Variants in CTNNA3 observed in about 807,000 individuals in gnomAD.
CTNNA3 encodes the protein catenin alpha 3, also known as catenin alpha-3.
Under a neutral mutation model 95.7 loss-of-function variants are expected in CTNNA3, and 76 were observed. The ratio of observed to expected loss-of-function variants is 0.79; its 90% CI spans 0.66 to 0.96. The LOEUF is 0.96. Among genes scored for constraint, CTNNA3 ranks in the 40% least tolerant of loss-of-function variants. CTNNA3 has a pLI of 0.00. For synonymous variants in CTNNA3, 431 were observed against 374.4 expected (o/e 1.15, Z -1.74); for missense variants, 1,191 against 1,089.8 (o/e 1.09, Z -1.31).
chr10:66,379,153 A>C lies in CTNNA3; in HGVS notation c.1731T>G (p.Thr577=). ...VMRNVNFLTS[T]VIPEFVTQVN... is the part of the protein sequence containing the mutation. ...AGCTGTTATTGGCAACTGACTTACC[A>C]GTACTTGTAAGGAAGTTAACATTTC... is the stretch of plus-strand genomic sequence containing the variant. The change falls in exon 12 of 18, where the codon ACT becomes ACG. Residue 577 remains threonine, a splice_region_variant and synonymous_variant. Coordinates refer to ENST00000433211, the MANE Select transcript of CTNNA3 (RefSeq NM_013266.4). 6.2e-7 allele frequency: 1 copy of C among 1,612,682 alleles called. No individual in the cohort carries two copies. The highest frequency in any genetic ancestry group is 1.7e-4 in the Middle Eastern group (1 of 6,056).
chr10:66,472,665 A>T (rs1285431160), intron 11 of CTNNA3, among the ~76,000 whole-genome samples: 1 of 152,076 alleles, frequency 6.6e-6, no homozygotes, highest in Non-Finnish European at 1.5e-5. Flanking sequence ...AATTATTAAA[A>T]TTAACTATAA....
Position 66,927,740 on chromosome 10 carries a change from A to G in CTNNA3, c.1048-152216T>C. ...GCTTTCAGTGGACCCAGTGTTTTCC[A>G]GTGTGTCCCGAATCTGCAGCGCCTC... On this transcript the variant is annotated intron_variant, in intron 7 of 17. Transcript: ENST00000433211. This position sits in a 1 kb window ranked among gnomAD's most constrained non-coding sequence, Gnocchi z 4.7. 3 of 1,614,178 alleles carry G rather than the reference A, an allele frequency of 1.9e-6. No homozygotes were observed. The highest frequency in any genetic ancestry group is 2.5e-6 in the Non-Finnish European group (3 of 1,180,032).
intron 11 of CTNNA3, among the ~76,000 whole-genome samples, chr10:66,487,576 T>A (rs1439874830): frequency 6.6e-6 from 1 of 152,104 alleles, no homozygotes; most frequent in Non-Finnish European, 1.5e-5. Context: ...CTGGCCCAAA[T>A]GCTAATTACA....
At chr10:66,134,899 C>T (rs2083278084) in intron 13 of CTNNA3, among the ~76,000 whole-genome samples, 1 of 152,046 alleles carries the variant, frequency 6.6e-6, no homozygotes, top group Non-Finnish European at 1.5e-5. Flanking sequence ...GTACTCTGTA[C>T]ACTCTTGGTT....
intron 7 of CTNNA3, among the ~76,000 whole-genome samples, chr10:67,020,383 A>T (rs534875957): frequency 6.6e-6 from 1 of 152,250 alleles, no homozygotes; most frequent in African/African-American, 2.4e-5. Context: ...GTCCCTTCTG[A>T]GCTTTTATTA....
chr10:66,871,535 C>T (rs1376616612), intron 7 of CTNNA3, among the ~76,000 whole-genome samples: 3 of 140,848 alleles, frequency 2.1e-5, no homozygotes, highest in Non-Finnish European at 4.5e-5. Context: ...GCACTCCAGC[C>T]TGGGCAACAA....
In CTNNA3 at chr10:66,714,838, T is replaced by C. The variant is rs141121968; in HGVS notation, c.1281+51426A>G. On this transcript the variant is annotated intron_variant, in intron 9 of 17. Coordinates refer to ENST00000433211, the MANE Select transcript of CTNNA3 (RefSeq NM_013266.4). ...TTAAAAGGCAAAACCAATCATGTCA[T>C]TTGCTTGCTTAAAACTTCTTTAATG... Among the ~76,000 whole-genome samples, 69 of 152,246 alleles carry C rather than the reference T, an allele frequency of 4.5e-4. 2 individuals carry two copies. The East Asian group carries it at 7.0e-3, about 15-fold the overall frequency.
chr10:66,543,899 ATGTGTG>A (rs370848565), intron 10 of CTNNA3, among the ~76,000 whole-genome samples: 2,018 of 39,174 alleles, frequency 0.052, 69 homozygotes, highest in East Asian at 0.076. Context: ...CCTTCTTGAG[ATGTGTG>A]TGTGTGTATA....
At chr10:67,678,297 A>T (rs1030477058) in intron 1 of CTNNA3, among the ~76,000 whole-genome samples, 10 of 152,182 alleles carry the variant, frequency 6.6e-5, no homozygotes, top group Admixed American at 5.2e-4. Context: ...GGCTAAAAAG[A>T]AAAGAAAGTT....
intron 5 of CTNNA3, among the ~76,000 whole-genome samples, chr10:67,388,761 T>C (rs1589242362): frequency 6.6e-6 from 1 of 152,144 alleles, no homozygotes; most frequent in Admixed American, 6.5e-5. Context: ...ATATTCAACA[T>C]TCTTAAAGAA....
At chr10:67,329,963 C>T (rs189485593) in intron 5 of CTNNA3, among the ~76,000 whole-genome samples, 7 of 152,300 alleles carry the variant, frequency 4.6e-5, no homozygotes, top group Admixed American at 3.3e-4. Context: ...GTCCAAGATG[C>T]CAGCTAGAGT....
At chr10:67,261,600 T>A (rs776189076) in intron 5 of CTNNA3, among the ~76,000 whole-genome samples, 1 of 152,200 alleles carries the variant, frequency 6.6e-6, no homozygotes, top group Non-Finnish European at 1.5e-5. Context: ...TTGCGTAACA[T>A]CACCAGATTT....
intron 17 of CTNNA3, among the ~76,000 whole-genome samples, chr10:65,946,564 G>T (rs1394945926): frequency 6.6e-6 from 1 of 151,992 alleles, no homozygotes; most frequent in Non-Finnish European, 1.5e-5. Context: ...ACATCACCTT[G>T]CATTCTTAGA....
At chr10:65,928,716 CATCT>C (rs1449036180) in intron 17 of CTNNA3, among the ~76,000 whole-genome samples, 1 of 152,168 alleles carries the variant, frequency 6.6e-6, no homozygotes, top group Non-Finnish European at 1.5e-5. Flanking sequence ...ACCCTCACTC[CATCT>C]ACCAGGAGGT....
chr10:66,944,815 C>T (rs920248368), intron 7 of CTNNA3, among the ~76,000 whole-genome samples: 1 of 152,164 alleles, frequency 6.6e-6, no homozygotes, highest in Non-Finnish European at 1.5e-5. Flanking sequence ...CAACATTAAT[C>T]TCCATGTATA....
At chr10:67,196,153 G>T (rs1863360675) in intron 6 of CTNNA3, among the ~76,000 whole-genome samples, 1 of 152,044 alleles carries the variant, frequency 6.6e-6, no homozygotes. Context: ...GCTATTGAGA[G>T]AGCTCATAGA....
At chr10:66,575,344 T>C (rs1011911605) in intron 10 of CTNNA3, among the ~76,000 whole-genome samples, 1 of 152,148 alleles carries the variant, frequency 6.6e-6, no homozygotes, top group African/African-American at 2.4e-5. Flanking sequence ...ATTGCTCCCA[T>C]GTCTGTGTAC....
rs931960602 is a variant in CTNNA3 at position 66,394,268 on chromosome 10, G to A, written c.1532-14916C>T. Among the ~76,000 whole-genome samples, 8 of 132,710 alleles carry A rather than the reference G, an allele frequency of 6.0e-5. No individual in the cohort carries two copies. The South Asian group carries it at 2.0e-3, about 33-fold the overall frequency. The allele number at this position is 132,710 out of a possible 152,430, so 87.1% of individuals were successfully genotyped here. A position where few individuals can be genotyped will look rare whatever the true frequency, so the allele number is the denominator to read the frequency against. On this transcript the variant is annotated intron_variant, in intron 11 of 17. Coordinates refer to ENST00000433211, the MANE Select transcript of CTNNA3 (RefSeq NM_013266.4). ...TCAAGTATTCTAGAGACATCACCAG[G>A]AAGGTGGCCATAGAAGAATAAATAA...
At chr10:67,128,672 G>T (rs1382111682) in intron 7 of CTNNA3, among the ~76,000 whole-genome samples, 1 of 151,998 alleles carries the variant, frequency 6.6e-6, no homozygotes, top group East Asian at 1.9e-4. Flanking sequence ...AAAGGTTTGG[G>T]CATTAAGTGA....
Sources: gnomAD v4.1 joint callset for allele counts (sites outside exome capture counted in the v4.1 genomes callset) on GRCh38, gnomAD v4.1.1 for gene constraint, Gnocchi (gnomAD v3.1) non-coding constraint, MANE v1.5 for transcripts, NCBI Gene and HGNC (gene_info 2026-07-23, HGNC 2026-07-21) for gene names.